NKAIN2: variants seen among roughly 807,000 people sequenced by gnomAD.
NKAIN2 encodes the protein sodium/potassium transporting ATPase interacting 2, also known as sodium/potassium-transporting ATPase subunit beta-1-interacting protein 2.
NKAIN2 carries 14 observed loss-of-function variants against 32.6 expected under a neutral mutation model. That is an observed-to-expected ratio of 0.43 (90% CI 0.28 to 0.67). The LOEUF is 0.67. NKAIN2 is among the 30% of genes least tolerant of loss of function. The pLI is 0.17. For synonymous variants in NKAIN2, 80 were observed against 87.2 expected (o/e 0.92, Z 0.46); for missense variants, 198 against 258.3 (o/e 0.77, Z 1.60).
At chr6:124,205,601 A>G (rs1270724925) in intron 1 of NKAIN2, among the ~76,000 whole-genome samples, 2 of 151,612 alleles carry the variant, frequency 1.3e-5, no homozygotes, top group African/African-American at 2.4e-5. Context: ...GCATATAAAC[A>G]AAACTTCTAT....
At position 123,871,259 on chromosome 6, in the gene NKAIN2, T is replaced by A. The variant is rs1277022735; in HGVS notation, c.54+67005T>A. ...GTTTCTCTTTGGCTTTGGTTCCCTT[T>A]TGTTAATAATGATCTTTTTTATTAT... On this transcript the variant is annotated intron_variant, in intron 1 of 6. Transcript: ENST00000368417. Among the ~76,000 whole-genome samples the A allele has an allele frequency of 2.0e-5, 3 of 152,326 alleles. No homozygotes were observed. In the South Asian group the frequency reaches 6.2e-4, roughly 32 times the overall value.
chr6:124,575,331 T>G (rs1306965380), intron 3 of NKAIN2, among the ~76,000 whole-genome samples: 1 of 152,236 alleles, frequency 6.6e-6, no homozygotes, highest in Non-Finnish European at 1.5e-5. Flanking sequence ...TGTCATACTT[T>G]GGATAAAATA....
intron 6 of NKAIN2, among the ~76,000 whole-genome samples, chr6:124,821,441 CTAAAGA>C (rs1298008034): frequency 1.3e-5 from 2 of 151,982 alleles, no homozygotes; most frequent in African/African-American, 2.4e-5. Flanking sequence ...AATCTCTCAT[CTAAAGA>C]TAAACATGAG....
chr6:124,673,945 C>T (rs1218642472), intron 4 of NKAIN2, among the ~76,000 whole-genome samples: 1 of 151,898 alleles, frequency 6.6e-6, no homozygotes, highest in Non-Finnish European at 1.5e-5. Context: ...TCAAAGAAAT[C>T]ATTACCAAAA....
intron 1 of NKAIN2, among the ~76,000 whole-genome samples, chr6:124,069,661 C>T (rs1371819524): frequency 7.2e-5 from 11 of 152,174 alleles, no homozygotes; most frequent in Admixed American, 7.2e-4. Context: ...CCCAGCTTTC[C>T]TGTGGAGATA....
At chr6:124,363,778 A>C (rs916372914) in intron 3 of NKAIN2, among the ~76,000 whole-genome samples, 3 of 152,224 alleles carry the variant, frequency 2.0e-5, no homozygotes, top group Non-Finnish European at 4.4e-5. Flanking sequence ...GAGAGAAAAG[A>C]GAAACATCTT....
chr6:124,709,698 T>A (rs1348377784), intron 4 of NKAIN2, among the ~76,000 whole-genome samples: 4 of 151,508 alleles, frequency 2.6e-5, no homozygotes, highest in Admixed American at 6.6e-5. Flanking sequence ...CCCTTTATCA[T>A]TTTTTATTGC....
At chr6:124,529,026 T>C (rs1309369391) in intron 3 of NKAIN2, among the ~76,000 whole-genome samples, 1 of 152,206 alleles carries the variant, frequency 6.6e-6, no homozygotes, top group Non-Finnish European at 1.5e-5. Context: ...CTAAAACATG[T>C]GGCTTGAGGC....
At chr6:123,996,912 G>T (rs571537117) in intron 1 of NKAIN2, among the ~76,000 whole-genome samples, 88 of 152,054 alleles carry the variant, frequency 5.8e-4, no homozygotes, top group African/African-American at 7.5e-4. Context: ...CATTTTTTTT[G>T]AATGGAAAAA....
intron 2 of NKAIN2, among the ~76,000 whole-genome samples, chr6:124,345,475 T>C (rs1040861521): frequency 3.9e-5 from 6 of 152,102 alleles, no homozygotes; most frequent in Admixed American, 3.9e-4. Flanking sequence ...GGACTCTTTT[T>C]GGTTGGTAAG....
At chr6:124,462,175 A>G (rs1242937077) in intron 3 of NKAIN2, among the ~76,000 whole-genome samples, 1 of 151,870 alleles carries the variant, frequency 6.6e-6, no homozygotes, top group African/African-American at 2.4e-5. Context: ...TTTGGAACAT[A>G]ATAAGGAATG....
intron 1 of NKAIN2, among the ~76,000 whole-genome samples, chr6:124,244,798 T>C (rs1313634821): frequency 6.6e-6 from 1 of 152,046 alleles, no homozygotes; most frequent in African/African-American, 2.4e-5. Context: ...ATAAATACCT[T>C]GTTGAATTAA....
At chr6:124,434,361 C>G (rs1367541905) in intron 3 of NKAIN2, among the ~76,000 whole-genome samples, 1 of 152,082 alleles carries the variant, frequency 6.6e-6, no homozygotes, top group East Asian at 1.9e-4. Context: ...CTTTTTTGAG[C>G]TAGGGAAATG....
intron 4 of NKAIN2, among the ~76,000 whole-genome samples, chr6:124,731,256 G>T (rs984962385): frequency 7.0e-6 from 1 of 142,714 alleles, no homozygotes; most frequent in African/African-American, 2.6e-5. Context: ...AAAGACACAT[G>T]CACACGTATG....
intron 2 of NKAIN2, among the ~76,000 whole-genome samples, chr6:124,327,603 T>A (rs561427470): frequency 6.6e-6 from 1 of 152,280 alleles, no homozygotes; most frequent in Admixed American, 6.5e-5. Flanking sequence ...TAATAGTATC[T>A]ACTAAACAGA....
chr6:124,342,322 T>C (rs1056977135), intron 2 of NKAIN2, among the ~76,000 whole-genome samples: 6 of 147,680 alleles, frequency 4.1e-5, no homozygotes, highest in African/African-American at 1.0e-4. Flanking sequence ...GGCAGGAGAA[T>C]GGAGTGAACC....
chr6:124,324,829 A>G (rs2145360), intron 2 of NKAIN2, among the ~76,000 whole-genome samples: 11,809 of 152,090 alleles, frequency 0.078, 1,119 homozygotes, highest in African/African-American at 0.23. Context: ...TGATATAATC[A>G]TGCAATTTTT....
chr6:124,656,861 C>T (rs532125802), intron 3 of NKAIN2, among the ~76,000 whole-genome samples: 2 of 152,256 alleles, frequency 1.3e-5, no homozygotes, highest in East Asian at 1.9e-4. Flanking sequence ...TTTTGTTTGA[C>T]CACTTCTCAG....
At chr6:124,164,586 A>T (rs1442657394) in intron 1 of NKAIN2, among the ~76,000 whole-genome samples, 2 of 152,136 alleles carry the variant, frequency 1.3e-5, no homozygotes, top group African/African-American at 2.4e-5. Flanking sequence ...CACAACATCC[A>T]ATAGACACAT....
Sources: gnomAD v4.1 joint callset for allele counts (sites outside exome capture counted in the v4.1 genomes callset) on GRCh38, gnomAD v4.1.1 for gene constraint, MANE v1.5 for transcripts, NCBI Gene and HGNC (gene_info 2026-07-23, HGNC 2026-07-21) for gene names.